Variants in SLC4A7 observed in about 807,000 individuals in gnomAD.
The protein encoded by SLC4A7 is solute carrier family 4 member 7.
Under a neutral mutation model 137.6 loss-of-function variants are expected in SLC4A7, and 51 were observed. The observed-to-expected ratio is 0.37, with a 90% CI of 0.30 to 0.47. The LOEUF is 0.47. Among genes scored for constraint, SLC4A7 ranks in the 20% least tolerant of loss-of-function variants. The pLI is 1.00. For missense variants in SLC4A7, 1,247 were observed against 1,525.4 expected, an observed-to-expected ratio of 0.82 and a Z score of 3.04; for synonymous variants, 542 against 518.6, an observed-to-expected ratio of 1.05 and a Z score of -0.61.
rs988107424 is a variant in SLC4A7 at position 27,420,729 on chromosome 3, G to A, written c.1483C>T (p.Arg495Ter). Reference sequence around the variant, plus strand: ...TCTGTCATGAGAGTGGCTATTGATCGTCCAATTTCATGGTACTGTGGTGCC... The same window carrying A: ...TCTGTCATGAGAGTGGCTATTGATCATCCAATTTCATGGTACTGTGGTGCC... ...GKAPQYHEIG[R>*]SIATLMTDEI... The change falls in exon 10 of 26, where the codon CGA becomes TGA. Residue 495 changes from arginine to a stop codon, truncating the protein, a stop_gained. Transcript: ENST00000454389. LOFTEE classifies it high-confidence loss of function. The A allele has an allele frequency of 2.5e-6, 4 of 1,613,072 alleles. No homozygotes were observed. Among genetic ancestry groups the A allele is most frequent in the Non-Finnish European group, 3.4e-6 (4 of 1,179,408 alleles).
In SLC4A7 at chr3:27,435,844, TC is replaced by T. The variant is rs531904038; in HGVS notation, c.589+543del. Among the ~76,000 whole-genome samples the T allele has an allele frequency of 5.3e-5, 8 of 150,866 alleles. No homozygotes were observed. In the East Asian group the frequency reaches 5.9e-4, roughly 11 times the overall value. On this transcript the variant is annotated intron_variant, in intron 5 of 25. Coordinates refer to ENST00000454389, the MANE Select transcript of SLC4A7 (RefSeq NM_001321103.2). The stretch of plus-strand genomic sequence containing the variant: ...TGGATGACAGTGAGAGACCCTGTGA[TC>T]CCCCCCTTAAAAAAAAAATCCAATA...
chr3:27,419,058 T>C (rs2054669939), intron 10 of SLC4A7, among the ~76,000 whole-genome samples: 1 of 152,144 alleles, frequency 6.6e-6, no homozygotes, highest in Admixed American at 6.5e-5. Context: ...TACTAACTGC[T>C]AAAATACAAT....
intron 18 of SLC4A7, among the ~76,000 whole-genome samples, chr3:27,395,425 AT>A (rs1459897790): frequency 6.6e-6 from 1 of 152,140 alleles, no homozygotes; most frequent in African/African-American, 2.4e-5. Flanking sequence ...ACACTATGTG[AT>A]TTCTAAGTCT....
In SLC4A7 at chr3:27,484,088, T is replaced by A. The variant is rs1576723967; in HGVS notation, c.39A>T (p.Leu13=). The A allele has an allele frequency of 3.5e-6, 5 of 1,409,194 alleles. No individual in the cohort carries two copies. The highest frequency in any genetic ancestry group is 4.6e-6 in the Non-Finnish European group (5 of 1,077,842). The allele number at this position is 1,409,194 out of a possible 1,614,324, so 87.3% of individuals were successfully genotyped here. The change falls in exon 1 of 26, where the codon CTA becomes CTT. Residue 13 remains leucine (L), a synonymous_variant. Coordinates refer to ENST00000454389, the MANE Select transcript of SLC4A7 (RefSeq NM_001321103.2). ...ADGAGEQMRP[L]LTRVTSRGPD... ...TCACCCTGCTCGTTACCCGGGTGAG[T>A]AGCGGTCTCATCTGCTCGCCGGCCC...
chr3:27,441,185 T>C (rs2057167847), intron 3 of SLC4A7, among the ~76,000 whole-genome samples: 2 of 152,208 alleles, frequency 1.3e-5, no homozygotes, highest in Admixed American at 6.5e-5. Context: ...TCCCATGATA[T>C]ATTATCCTTT....
intron 1 of SLC4A7, among the ~76,000 whole-genome samples, chr3:27,453,892 T>C (rs1345667742): frequency 6.6e-6 from 1 of 152,234 alleles, no homozygotes; most frequent in Non-Finnish European, 1.5e-5. Flanking sequence ...TACATGTATA[T>C]GACTCTGAAT....
At chr3:27,417,739 G>A (rs2054534548) in intron 11 of SLC4A7, among the ~76,000 whole-genome samples, 1 of 152,116 alleles carries the variant, frequency 6.6e-6, no homozygotes, top group Admixed American at 6.5e-5. Flanking sequence ...GGGTGACAGA[G>A]CAAGACCCTG....
At chr3:27,439,304 T>G (rs189683898) in intron 3 of SLC4A7, among the ~76,000 whole-genome samples, 68 of 152,152 alleles carry the variant, frequency 4.5e-4, no homozygotes, top group African/African-American at 1.6e-3. Context: ...AATAAAAGAA[T>G]AGGAGGAGAA....
chr3:27,391,229 G>A (rs548228950), intron 21 of SLC4A7, among the ~76,000 whole-genome samples: 75 of 152,262 alleles, frequency 4.9e-4, no homozygotes, highest in Non-Finnish European at 8.8e-4. Context: ...CACTGGCTTA[G>A]CTAATAATCT....
intron 1 of SLC4A7, among the ~76,000 whole-genome samples, chr3:27,465,627 G>A (rs1018265209): frequency 6.6e-6 from 1 of 152,036 alleles, no homozygotes; most frequent in African/African-American, 2.4e-5. Flanking sequence ...ATCAGCCAAA[G>A]CAGGGGGAAA....
Position 27,376,343 on chromosome 3 carries a change from T to G in SLC4A7, c.*421A>C, listed in dbSNP as rs965940950. ...CACAGCACTGGTATAGACTCCCTATTCTTCCCATAAAGCACTAACAAAAGT... is the reference window on the plus strand; with the variant it reads ...CACAGCACTGGTATAGACTCCCTATGCTTCCCATAAAGCACTAACAAAAGT... On this transcript the variant is annotated 3_prime_UTR_variant, in exon 26 of 26. Transcript: ENST00000454389. 1 of 153,978 alleles carries G rather than the reference T, an allele frequency of 6.5e-6. No individual in the cohort carries two copies. Among genetic ancestry groups the G allele is most frequent in the African/African-American group, 2.4e-5 (1 of 41,440 alleles). 9.5% of individuals were successfully genotyped at this position (153,978 alleles called of 1,614,324 possible).
chr3:27,420,048 G>A (rs1036622131), intron 10 of SLC4A7, among the ~76,000 whole-genome samples: 15 of 151,992 alleles, frequency 9.9e-5, no homozygotes, highest in Non-Finnish European at 1.5e-4. Flanking sequence ...AATTAGCTGG[G>A]CATGGTGGGG....
At chr3:27,483,207 G>C (rs1415803335) in intron 1 of SLC4A7, among the ~76,000 whole-genome samples, 1 of 152,230 alleles carries the variant, frequency 6.6e-6, no homozygotes, top group African/African-American at 2.4e-5. Flanking sequence ...GTGCTCTAAA[G>C]AAAGCAGGAA....
intron 1 of SLC4A7, among the ~76,000 whole-genome samples, chr3:27,464,278 TAA>T (rs1203470890): frequency 2.0e-5 from 3 of 152,358 alleles, no homozygotes; most frequent in Admixed American, 6.5e-5. Context: ...GAAGGATATA[TAA>T]GTTAGTCTGT....
chr3:27,421,729 G>A lies in SLC4A7; in HGVS notation c.1317C>T (p.Asn439=), dbSNP rs199787011. Residue 439 remains asparagine, a synonymous_variant, in exon 9 of 26, where the codon AAC becomes AAT. Coordinates refer to ENST00000454389, the MANE Select transcript of SLC4A7 (RefSeq NM_001321103.2). ...RKIPTGAEAS[N]VLVGEVDFLE... ...AAAAGTCTACTTCGCCCACCAGGAC[G>A]TTGGATGCCTCAGCACCCGTAGGAA... 4.9e-5 allele frequency: 79 copies of A among 1,613,570 alleles called. No homozygotes were observed. The highest frequency in any genetic ancestry group is 1.3e-4 in the East Asian group (6 of 44,874).
intron 14 of SLC4A7, among the ~76,000 whole-genome samples, chr3:27,403,884 T>C (rs1193560970): frequency 6.6e-6 from 1 of 152,196 alleles, no homozygotes; most frequent in Non-Finnish European, 1.5e-5. Context: ...TATTTTAAAC[T>C]TCAAGAAATT....
intron 12 of SLC4A7, 149 bp from the exon 13 acceptor site, chr3:27,409,679 T>C: frequency 3.5e-6 from 2 of 577,898 alleles, no homozygotes; most frequent in Non-Finnish European, 6.1e-6. Context: ...TTACAGAAGA[T>C]ACACTCATTT....
intron 24 of SLC4A7, among the ~76,000 whole-genome samples, chr3:27,380,080 G>A (rs112910420): frequency 0.15 from 23,133 of 152,170 alleles, 1,947 homozygotes; most frequent in South Asian, 0.27. Context: ...AGGCCAAGGC[G>A]GGCGGATCAC....
At chr3:27,437,573 AT>A (rs779546073) in intron 3 of SLC4A7, 47 bp from the exon 4 acceptor site, 1 of 1,301,650 alleles carries the variant, frequency 7.7e-7, no homozygotes, top group East Asian at 2.7e-5. Context: ...TCCTCAAGTC[AT>A]TCAAAGATAA....
Sources: allele counts gnomAD v4.1 joint callset (sites outside exome capture counted in the v4.1 genomes callset), GRCh38; gene constraint gnomAD v4.1.1; transcripts MANE v1.5; gene names NCBI Gene and HGNC (gene_info 2026-07-23, HGNC 2026-07-21).